Variants in ACOX3 observed in about 807,000 individuals in gnomAD.
The protein encoded by ACOX3 is acyl-CoA oxidase 3, pristanoyl, also known as peroxisomal acyl-coenzyme A oxidase 3.
In ACOX3, 73 loss-of-function variants were observed where a neutral mutation model predicts 81.5. The ratio of observed to expected loss-of-function variants is 0.90; its 90% confidence interval spans 0.74 to 1.09. The LOEUF (loss-of-function observed/expected upper bound fraction) is 1.09. Among genes scored for constraint, ACOX3 ranks in the 50% least tolerant of loss-of-function variants. The pLI is 0.00. For missense variants in ACOX3, 947 were observed against 928.0 expected, an observed-to-expected ratio of 1.02 and a Z score of -0.27; for synonymous variants, 387 against 375.1, an observed-to-expected ratio of 1.03 and a Z score of -0.37.
chr4:8,402,390 G>C (rs573999331), intron 7 of ACOX3, among the ~76,000 whole-genome samples: 2 of 152,188 alleles, frequency 1.3e-5, no homozygotes, highest in Non-Finnish European at 2.9e-5. Flanking sequence ...CGCACACTCA[G>C]AACACCCCAC....
intron 17 of ACOX3, among the ~76,000 whole-genome samples, chr4:8,369,383 GCA>G (rs1484350593): frequency 6.6e-6 from 1 of 152,206 alleles, no homozygotes; most frequent in African/African-American, 2.4e-5. Flanking sequence ...CTACAGCAGG[GCA>G]CAGTCTCTTC....
At position 8,406,396 on chromosome 4, in the gene ACOX3, T is replaced by G. The variant is rs916307323; in HGVS notation, c.688-353A>C. On this transcript the variant is annotated intron_variant, in intron 6 of 17. Coordinates refer to ENST00000356406, the MANE Select transcript of ACOX3 (RefSeq NM_003501.3). The surrounding 1 kb of genome is among the most constrained non-coding windows in gnomAD (Gnocchi z 5.6). ...GAGACGGAGGCACAGAGTACAGCGC[T>G]GGGGCTGTAGGGATCAGCCCCACAG... 6.6e-6 allele frequency among the ~76,000 whole-genome samples: 1 copy of G among 152,044 alleles called. No homozygotes were observed. The highest frequency in any genetic ancestry group is 1.5e-5 in the Non-Finnish European group (1 of 68,008).
chr4:8,410,297 C>A lies in ACOX3; in HGVS notation c.602G>T (p.Gly201Val). The A allele has an allele frequency of 6.2e-7, 1 of 1,614,130 alleles. No homozygotes were observed. Among genetic ancestry groups the A allele is most frequent in the Non-Finnish European group, 8.5e-7 (1 of 1,179,988 alleles). Residue 201 changes from glycine to valine, a missense_variant, in exon 6 of 18, where the codon GGC (glycine) becomes GTC (valine). Transcript: ENST00000356406. Reference sequence around the variant, plus strand: ...CACCACCGCGTGAGTGGCTGTCTTGCCCATGTTGCCAACCCAAAACTTGGC... The same window carrying A: ...CACCACCGCGTGAGTGGCTGTCTTGACCATGTTGCCAACCCAAAACTTGGC... The part of the protein sequence containing the change: ...EAAKFWVGNM[G>V]KTATHAVVFA...
chr4:8,411,488 C>T (rs1295944156), intron 5 of ACOX3, among the ~76,000 whole-genome samples: 13 of 152,214 alleles, frequency 8.5e-5, no homozygotes, highest in East Asian at 3.9e-4. Context: ...ACCAGCTCTT[C>T]GCCTGCGAGG....
At chr4:8,440,002 AAAT>A (rs202240253) in intron 1 of ACOX3, among the ~76,000 whole-genome samples, 11 of 152,344 alleles carry the variant, frequency 7.2e-5, no homozygotes, top group South Asian at 2.1e-4. Context: ...GAGTTAAAAA[AAAT>A]AATAATAATA....
intron 1 of ACOX3, among the ~76,000 whole-genome samples, chr4:8,420,255 A>T (rs1472899975): frequency 6.6e-6 from 1 of 152,236 alleles, no homozygotes; most frequent in African/African-American, 2.4e-5. Context: ...ACTGTTAGAG[A>T]TAAGGATTGT....
chr4:8,394,589 G>A lies in ACOX3; in HGVS notation c.1179+31C>T, dbSNP rs368447589. The A allele has an allele frequency of 9.9e-6, 16 of 1,608,860 alleles. No individual in the cohort carries two copies. The highest frequency in any genetic ancestry group is 2.2e-5 in the East Asian group (1 of 44,714). ...TGCTCCAACCGTGTGAGATTTAAAC[G>A]ATGCTGCTGAGGAAGCAGACACCAC... On this transcript the variant is annotated intron_variant, in intron 10 of 17. Transcript: ENST00000356406. This position sits in a 1 kb window ranked among gnomAD's most constrained non-coding sequence, Gnocchi z 5.9.
intron 9 of ACOX3, 53 bp downstream of exon 9, chr4:8,396,884 G>A: frequency 6.4e-7 from 1 of 1,571,694 alleles, no homozygotes; most frequent in Non-Finnish European, 8.7e-7. Flanking sequence ...TAAAAGAAGT[G>A]AATTTGCATA....
downstream of ACOX3, among the ~76,000 whole-genome samples, chr4:8,361,439 A>C (rs1409727013): frequency 6.7e-6 from 1 of 149,360 alleles, no homozygotes; most frequent in Admixed American, 6.6e-5. Context: ...AAAAAAAAAA[A>C]AAAAAAAAAA....
chr4:8,422,852 C>T (rs1723095662), intron 1 of ACOX3, among the ~76,000 whole-genome samples: 1 of 152,198 alleles, frequency 6.6e-6, no homozygotes, highest in Non-Finnish European at 1.5e-5. Flanking sequence ...TCTACAAGGA[C>T]ACTTTAAAAA....
Position 8,437,338 on chromosome 4 carries a change from C to T in ACOX3, c.-15+3310G>A, listed in dbSNP as rs558990994. 1.0e-3 allele frequency among the ~76,000 whole-genome samples: 156 copies of T among 151,902 alleles called. 1 individual carries two copies. Among genetic ancestry groups the T allele is most frequent in the Non-Finnish European group, 1.7e-3 (113 of 67,996 alleles). On this transcript the variant is annotated intron_variant, in intron 1 of 17. Coordinates refer to ENST00000356406, the MANE Select transcript of ACOX3 (RefSeq NM_003501.3). The surrounding 1 kb of genome is among the most constrained non-coding windows in gnomAD (Gnocchi z 5.2). ...ACGCCAAGGGTTAAATTCCTCTCCC[C>T]GGCTCAGCTCTATCTAGAAAAAAAG...
At chr4:8,424,887 A>C (rs2109020091) in intron 1 of ACOX3, among the ~76,000 whole-genome samples, 1 of 152,366 alleles carries the variant, frequency 6.6e-6, no homozygotes, top group South Asian at 2.1e-4. Flanking sequence ...CAGGGTATGC[A>C]GTGGTCAGTG....
intron 13 of ACOX3, among the ~76,000 whole-genome samples, chr4:8,387,660 G>C (rs1051930698): frequency 6.6e-6 from 1 of 152,208 alleles, no homozygotes; most frequent in Non-Finnish European, 1.5e-5. Flanking sequence ...CGGGTGGCAC[G>C]GAGGTGGGGG....
Position 8,397,016 on chromosome 4 carries a change from G to A in ACOX3, c.977C>T (p.Ala326Val), listed in dbSNP as rs1560184608. ...ILNLKLAVAI[A>V]LRFSATRRQF... ...ACGCCGAGTGGCTGAGAAGCGAAGA[G>A]CGATGGCCACGGCCAGCTTTAGGTT... Residue 326 changes from alanine (A) to valine (V), a missense_variant, in exon 9 of 18, where the codon GCT becomes GTT. Coordinates refer to ENST00000356406, the MANE Select transcript of ACOX3 (RefSeq NM_003501.3). 25 of 1,611,904 alleles carry A rather than the reference G, an allele frequency of 1.6e-5. No homozygotes were observed. Among genetic ancestry groups the A allele is most frequent in the Non-Finnish European group, 2.0e-5 (24 of 1,179,156 alleles).
At chr4:8,375,505 G>A (rs527451495) in intron 14 of ACOX3, among the ~76,000 whole-genome samples, 1 of 152,332 alleles carries the variant, frequency 6.6e-6, no homozygotes, top group African/African-American at 2.4e-5. Flanking sequence ...GCGCCCACCA[G>A]GAGGCCCCCA....
chr4:8,423,671 T>G lies in ACOX3; in HGVS notation c.-14-7136A>C, dbSNP rs548414760. Among the ~76,000 whole-genome samples the G allele has an allele frequency of 6.6e-6, 1 of 152,304 alleles. No homozygotes were observed. The highest frequency in any genetic ancestry group is 6.5e-5 in the Admixed American group (1 of 15,300). Reference sequence around the variant, plus strand: ...TACCCAGCTGTACCTAATCTTATACTCACTCTGCTTTCCCAAATACCAGAG... The same window carrying G: ...TACCCAGCTGTACCTAATCTTATACGCACTCTGCTTTCCCAAATACCAGAG... On this transcript the variant is annotated intron_variant, in intron 1 of 17. Coordinates refer to ENST00000356406, the MANE Select transcript of ACOX3 (RefSeq NM_003501.3). The surrounding 1 kb of genome is among the most constrained non-coding windows in gnomAD (Gnocchi z 4.2).
chr4:8,380,644 A>T (rs1717520896), intron 14 of ACOX3, among the ~76,000 whole-genome samples: 1 of 152,166 alleles, frequency 6.6e-6, no homozygotes, highest in African/African-American at 2.4e-5. Context: ...CTTCCCAGAG[A>T]CAGGCAGATG....
intron 16 of ACOX3, among the ~76,000 whole-genome samples, chr4:8,372,104 T>A (rs1023507415): frequency 1.3e-5 from 2 of 152,168 alleles, no homozygotes; most frequent in African/African-American, 4.8e-5. Flanking sequence ...CAGTTGTGGC[T>A]GTCATTTTTT....
At position 8,405,969 on chromosome 4, in the gene ACOX3, G is replaced by A. The variant is rs1202314361; in HGVS notation, c.762C>T (p.Asn254=). 6 of 1,614,032 alleles carry A rather than the reference G, an allele frequency of 3.7e-6. No homozygotes were observed. Among genetic ancestry groups the A allele is most frequent in the East Asian group, 4.5e-5 (2 of 44,884 alleles). The part of the protein sequence containing the change: ...VGDIGKKLGQ[N]GLDNGFAMFH... Reference sequence around the variant, plus strand: ...CTGTCACTCACCCATTATCCAGACCGTTCTGCCCGAGTTTTTTTCCTATGT... The same window carrying A: ...CTGTCACTCACCCATTATCCAGACCATTCTGCCCGAGTTTTTTTCCTATGT... The change falls in exon 7 of 18, where the codon AAC becomes AAT. Residue 254 remains asparagine (N), a synonymous_variant. Transcript: ENST00000356406. The surrounding 1 kb of genome is among the most constrained non-coding windows in gnomAD (Gnocchi z 7.1).
Sources: gnomAD v4.1 joint callset for allele counts (sites outside exome capture counted in the v4.1 genomes callset) on GRCh38, gnomAD v4.1.1 for gene constraint, Gnocchi (gnomAD v3.1) non-coding constraint, MANE v1.5 for transcripts, NCBI Gene and HGNC (gene_info 2026-07-23, HGNC 2026-07-21) for gene names.